The following IPO8 variants were observed in gnomAD, a reference collection of about 807,000 sequenced individuals.
The protein encoded by IPO8 is importin 8.
In IPO8, 65 loss-of-function variants were observed where a neutral mutation model predicts 141.2. The ratio of observed to expected loss-of-function variants is 0.46; its 90% CI spans 0.38 to 0.57. The LOEUF (loss-of-function observed/expected upper bound fraction) is 0.57. Ranked by LOEUF, IPO8 falls within the 20% of genes least tolerant of loss-of-function variation. The probability of loss-of-function intolerance (pLI) is 0.00; values close to 1 mark genes in which losing one functional copy is unlikely to be tolerated. For missense variants in IPO8, 980 were observed against 1,246.8 expected, an observed-to-expected ratio of 0.79 and a Z score of 3.22; for synonymous variants, 411 against 420.3, an observed-to-expected ratio of 0.98 and a Z score of 0.27.
chr12:30,631,887 T>C lies in IPO8; in HGVS notation c.3016+8A>G. 6.3e-7 allele frequency: 1 copy of C among 1,597,856 alleles called. No homozygotes were observed. Among genetic ancestry groups the C allele is most frequent in the Non-Finnish European group, 8.6e-7 (1 of 1,167,840 alleles). On this transcript the variant is annotated splice_region_variant and intron_variant, in intron 24 of 24. Coordinates refer to ENST00000256079, the MANE Select transcript of IPO8 (RefSeq NM_006390.4). ...ATGCACTCCACTCTGGAGGTTACTC[T>C]GGCTGACCTGCCACCGTCCGTCGGT...
intron 7 of IPO8, 39 bp downstream of exon 7, chr12:30,674,620 C>T: frequency 7.3e-7 from 1 of 1,366,104 alleles, no homozygotes; most frequent in Non-Finnish European, 1.0e-6. Context: ...TACTGAGATA[C>T]TGGCTGTATG....
chr12:30,641,141 A>G (rs530591659), intron 20 of IPO8, among the ~76,000 whole-genome samples: 7 of 152,356 alleles, frequency 4.6e-5, no homozygotes, highest in African/African-American at 1.7e-4. Context: ...TTGGACTACT[A>G]CGTAAATGCA....
In IPO8 at chr12:30,690,118, C is replaced by A. The variant is rs968327551; in HGVS notation, c.166+378G>T. On this transcript the variant is annotated intron_variant, in intron 2 of 24. Coordinates refer to ENST00000256079, the MANE Select transcript of IPO8 (RefSeq NM_006390.4). ...AACACATTACCTCCATGATTTGCCA[C>A]GTAACAGAGCTCGAATTCACATATA... is the stretch of plus-strand genomic sequence containing the variant. 2.0e-5 allele frequency among the ~76,000 whole-genome samples: 3 copies of A among 152,182 alleles called. No homozygotes were observed. The East Asian group carries it at 5.8e-4, about 29-fold the overall frequency.
At chr12:30,648,640 TC>T (rs2052681169) in intron 20 of IPO8, among the ~76,000 whole-genome samples, 1 of 152,194 alleles carries the variant, frequency 6.6e-6, no homozygotes, top group Non-Finnish European at 1.5e-5. Flanking sequence ...TCAACATTTT[TC>T]TTAGTTATTG....
In IPO8 at chr12:30,695,510, G is replaced by A. The variant is rs2053330352; in HGVS notation, c.84+54C>T. The A allele has an allele frequency of 5.2e-6, 8 of 1,531,986 alleles. No homozygotes were observed. The South Asian group carries it at 9.0e-5, about 17-fold the overall frequency. The allele number at this position is 1,531,986 out of a possible 1,614,324, so 94.9% of individuals were successfully genotyped here. A position where few individuals can be genotyped will look rare whatever the true frequency, so the allele number is the denominator to read the frequency against. ...GCGCCGGGGAGAGGGAGCCCGGCCAGCCGGCAGGGGCGCCCCTTCGGCGGA... is the reference window on the plus strand; with the variant it reads ...GCGCCGGGGAGAGGGAGCCCGGCCAACCGGCAGGGGCGCCCCTTCGGCGGA... On this transcript the variant is annotated intron_variant, in intron 1 of 24. Transcript: ENST00000256079. The surrounding 1 kb of genome is among the most constrained non-coding windows in gnomAD (Gnocchi z 4.2).
intron 16 of IPO8, among the ~76,000 whole-genome samples, chr12:30,660,706 T>C (rs182063652): frequency 2.4e-3 from 361 of 152,286 alleles, no homozygotes; most frequent in Non-Finnish European, 4.2e-3. Context: ...ATTTTTACAG[T>C]ACTTGTTATA....
intron 23 of IPO8, among the ~76,000 whole-genome samples, chr12:30,633,090 G>A (rs1179444735): frequency 1.3e-5 from 2 of 152,162 alleles, no homozygotes; most frequent in Non-Finnish European, 2.9e-5. Flanking sequence ...CGTTTATGCT[G>A]TTACGTTTCC....
At chr12:30,661,306 C>A in intron 15 of IPO8, 40 bp from the exon 16 acceptor site, 1 of 1,515,096 alleles carries the variant, frequency 6.6e-7, no homozygotes, top group Non-Finnish European at 8.8e-7. Context: ...ATTAGTAGTA[C>A]TGTTACGTCC....
chr12:30,658,067 T>C (rs190874973), intron 16 of IPO8, among the ~76,000 whole-genome samples: 10 of 152,346 alleles, frequency 6.6e-5, no homozygotes, highest in Admixed American at 1.3e-4. Context: ...TATGACGGGT[T>C]ACATTTTTCG....
In IPO8 at chr12:30,695,637, T is replaced by C. The variant is rs1387559147; in HGVS notation, c.11A>G (p.Asn4Ser). 5.6e-6 allele frequency: 9 copies of C among 1,613,940 alleles called. No individual in the cohort carries two copies. In the Admixed American group the frequency reaches 8.3e-5, roughly 15 times the overall value. MDL[N>S]RIIQALKGTI... ...GCCCTTCAGCGCCTGGATGATCCGG[T>C]TGAGGTCCATCTCCCCGGGTGGGGG... The change falls in exon 1 of 25, where the codon AAC (asparagine) becomes AGC (serine). Residue 4 changes from asparagine to serine, a missense_variant. Transcript: ENST00000256079. This position sits in a 1 kb window ranked among gnomAD's most constrained non-coding sequence, Gnocchi z 4.2.
chr12:30,638,280 T>C (rs1330359923), intron 21 of IPO8, among the ~76,000 whole-genome samples: 1 of 152,220 alleles, frequency 6.6e-6, no homozygotes, highest in African/African-American at 2.4e-5. Flanking sequence ...TTAACAACAA[T>C]TTCTTTGATA....
At chr12:30,640,382 T>C (rs889069480) in intron 20 of IPO8, among the ~76,000 whole-genome samples, 1 of 148,826 alleles carries the variant, frequency 6.7e-6, no homozygotes, top group East Asian at 2.0e-4. Context: ...ATTAAACTTT[T>C]AAAAAAATCA....
chr12:30,659,393 A>C (rs1445198621), intron 16 of IPO8, among the ~76,000 whole-genome samples: 1 of 149,350 alleles, frequency 6.7e-6, no homozygotes, highest in Non-Finnish European at 1.5e-5. Flanking sequence ...CAGCACAATC[A>C]CTTGAACCGG....
intron 2 of IPO8, among the ~76,000 whole-genome samples, chr12:30,685,006 T>C (rs2136172803): frequency 6.6e-6 from 1 of 152,350 alleles, no homozygotes. Context: ...TTTTATATGT[T>C]CACATCTATC....
At chr12:30,681,893 A>C in intron 3 of IPO8, 76 bp from the exon 4 acceptor site, 2 of 1,260,552 alleles carry the variant, frequency 1.6e-6, no homozygotes, top group African/African-American at 3.0e-5. Context: ...AATATTTTAC[A>C]TAAAAGTTTG....
At chr12:30,646,244 G>T (rs538353472) in intron 20 of IPO8, among the ~76,000 whole-genome samples, 1 of 152,156 alleles carries the variant, frequency 6.6e-6, no homozygotes, top group South Asian at 2.1e-4. Flanking sequence ...TATTCTAAAA[G>T]GACAAAAACT....
Position 30,676,758 on chromosome 12 carries a change from C to T in IPO8, c.640-171G>A. The T allele has an allele frequency of 3.8e-6, 3 of 784,960 alleles. 1 individual carries two copies. The South Asian group carries it at 4.9e-5, about 13-fold the overall frequency. 48.6% of individuals were successfully genotyped at this position (784,960 alleles called of 1,614,324 possible). ...AACAGATTCATACGACCATATAGAA[C>T]TTAAATTTTTAAATTTAGAAGACTA... On this transcript the variant is annotated intron_variant, in intron 5 of 24. Coordinates refer to ENST00000256079, the MANE Select transcript of IPO8 (RefSeq NM_006390.4).
At chr12:30,641,302 T>C (rs1408312110) in intron 20 of IPO8, among the ~76,000 whole-genome samples, 1 of 152,132 alleles carries the variant, frequency 6.6e-6, no homozygotes, top group Non-Finnish European at 1.5e-5. Context: ...GGAGAGAATA[T>C]CTATTTTTTG....
At chr12:30,691,246 T>C (rs1477335323) in intron 1 of IPO8, among the ~76,000 whole-genome samples, 2 of 152,206 alleles carry the variant, frequency 1.3e-5, no homozygotes, top group Non-Finnish European at 1.5e-5. Context: ...TGTTACAAAG[T>C]TGAGCGTGAG....
Sources: gnomAD v4.1 joint callset for allele counts (sites outside exome capture counted in the v4.1 genomes callset) on GRCh38, gnomAD v4.1.1 for gene constraint, Gnocchi (gnomAD v3.1) non-coding constraint, MANE v1.5 for transcripts, NCBI Gene and HGNC (gene_info 2026-07-23, HGNC 2026-07-21) for gene names.